The following IL6R variants were observed in gnomAD, a reference collection of about 807,000 sequenced individuals.
The protein encoded by IL6R is interleukin-6 receptor subunit alpha.
IL6R carries 38 observed loss-of-function variants against 48.3 expected under a neutral mutation model. The ratio of observed to expected loss-of-function variants is 0.79; its 90% CI spans 0.61 to 1.03. The LOEUF is 1.03. IL6R is among the 50% of genes least tolerant of loss of function. The probability of loss-of-function intolerance (pLI) is 0.00; values close to 1 mark genes in which losing one functional copy is unlikely to be tolerated. For missense variants in IL6R, 534 were observed against 618.3 expected (o/e 0.86, Z 1.45); for synonymous variants, 264 against 256.2 (o/e 1.03, Z -0.29).
At position 154,415,196 on chromosome 1, in the gene IL6R, G is replaced by A. The variant is rs542127398; in HGVS notation, c.85+9482G>A. ...CCAGGGGCCCGGAGCTCAAGGCGCC[G>A]GCTGCACTGTTCACCTCCACCCCCA... On this transcript the variant is annotated intron_variant, in intron 1 of 9. Transcript: ENST00000368485. The A allele has an allele frequency of 5.3e-4, 363 of 690,156 alleles. 2 individuals are homozygous for A. The highest frequency in any genetic ancestry group is 4.9e-3 in the South Asian group (328 of 66,832). The allele number at this position is 690,156 out of a possible 1,614,324, so 42.8% of individuals were successfully genotyped here.
At chr1:154,457,496 C>T (rs1383820332) in intron 9 of IL6R, among the ~76,000 whole-genome samples, 1 of 152,088 alleles carries the variant, frequency 6.6e-6, no homozygotes, top group Non-Finnish European at 1.5e-5. Flanking sequence ...TCTTTTCCAG[C>T]CATGGTTAGG....
intron 7 of IL6R, among the ~76,000 whole-genome samples, 187 bp from the exon 8 acceptor site, chr1:154,449,724 G>T (rs942199061): frequency 6.6e-6 from 1 of 152,182 alleles, no homozygotes; most frequent in Non-Finnish European, 1.5e-5. Context: ...CCTTTAGCAG[G>T]CATGGTGTGG....
At chr1:154,447,552 T>TACATATATATAC (rs1690331805) in intron 6 of IL6R, among the ~76,000 whole-genome samples, 1 of 67,384 alleles carries the variant, frequency 1.5e-5, no homozygotes, top group Non-Finnish European at 3.9e-5. Context: ...TATATACACA[T>TACATATATATAC]ACACATATAT....
At position 154,429,260 on chromosome 1, in the gene IL6R, A is replaced by C; in HGVS notation, c.150A>C (p.Val50=). The C allele has an allele frequency of 6.2e-7, 1 of 1,614,122 alleles. No individual in the cohort carries two copies. The highest frequency in any genetic ancestry group is 2.2e-5 in the East Asian group (1 of 44,876). ...GCGTGACTCTGACCTGCCCGGGGGTAGAGCCGGAAGACAATGCCACTGTTC... is the reference window on the plus strand; with the variant it reads ...GCGTGACTCTGACCTGCCCGGGGGTCGAGCCGGAAGACAATGCCACTGTTC... ...GDSVTLTCPG[V]EPEDNATVHW... is the part of the protein sequence containing the mutation. The change falls in exon 2 of 10, where the codon GTA becomes GTC. Residue 50 remains valine, a synonymous_variant. Coordinates refer to ENST00000368485, the MANE Select transcript of IL6R (RefSeq NM_000565.4).
At chr1:154,428,348 A>T (rs1028403610) in intron 1 of IL6R, among the ~76,000 whole-genome samples, 4 of 152,266 alleles carry the variant, frequency 2.6e-5, no homozygotes, top group Admixed American at 2.6e-4. Flanking sequence ...GGAGCATGGA[A>T]CAGGGAACCA....
intron 1 of IL6R, chr1:154,418,345 GTT>G (rs1688470930): frequency 1.1e-6 from 1 of 905,214 alleles, no homozygotes; most frequent in Non-Finnish European, 1.3e-6. Context: ...AGCATTACCT[GTT>G]TATGGGTCCA....
At chr1:154,448,030 AT>A (rs755900452) in intron 6 of IL6R, 94 bp from the exon 7 acceptor site, 12 of 1,011,316 alleles carry the variant, frequency 1.2e-5, no homozygotes, top group Non-Finnish European at 1.9e-5. Flanking sequence ...TTTAAATAAC[AT>A]TGAGATGAAC....
chr1:154,420,815 C>T (rs1376623125), intron 1 of IL6R, among the ~76,000 whole-genome samples: 6 of 152,052 alleles, frequency 3.9e-5, no homozygotes, highest in East Asian at 1.9e-4. Flanking sequence ...AGATTACAGG[C>T]GTGAGCCACT....
chr1:154,426,151 C>T (rs1688952545), intron 1 of IL6R, among the ~76,000 whole-genome samples: 1 of 134,856 alleles, frequency 7.4e-6, no homozygotes, highest in Non-Finnish European at 1.6e-5. Context: ...CAGACTGAGA[C>T]CCTGTATCAG....
intron 6 of IL6R, among the ~76,000 whole-genome samples, chr1:154,442,469 A>G (rs1008018938): frequency 8.5e-5 from 13 of 152,146 alleles, no homozygotes; most frequent in African/African-American, 2.2e-4. Flanking sequence ...TGAGTGGGAC[A>G]GGTGGAGGCC....
In IL6R at chr1:154,430,995, G is replaced by A. The variant is rs143318546; in HGVS notation, c.458+389G>A. Among the ~76,000 whole-genome samples the A allele has an allele frequency of 3.9e-3, 588 of 152,340 alleles. 3 individuals carry two copies. The highest frequency in any genetic ancestry group is 6.9e-3 in the Non-Finnish European group (470 of 68,034). On this transcript the variant is annotated intron_variant, in intron 3 of 9. Transcript: ENST00000368485. Reference sequence around the variant, plus strand: ...TTCATTCAAAGTCCGAAGATTATGGGCGTTGCTCTGAAAAACATGCAAATA... The same window carrying A: ...TTCATTCAAAGTCCGAAGATTATGGACGTTGCTCTGAAAAACATGCAAATA...
intron 1 of IL6R, among the ~76,000 whole-genome samples, chr1:154,423,652 C>T (rs1486286399): frequency 1.3e-5 from 2 of 152,038 alleles, no homozygotes; most frequent in African/African-American, 2.4e-5. Flanking sequence ...CAGTGTTGTT[C>T]GCAGGTTCTA....
chr1:154,441,830 C>T (rs113126097), intron 6 of IL6R, among the ~76,000 whole-genome samples: 5 of 152,196 alleles, frequency 3.3e-5, no homozygotes, highest in African/African-American at 1.2e-4. Context: ...CTGGGAAGCA[C>T]CTGGGAGTCA....
intron 1 of IL6R, among the ~76,000 whole-genome samples, chr1:154,416,794 C>T (rs1020928597): frequency 2.6e-5 from 4 of 152,116 alleles, no homozygotes; most frequent in African/African-American, 4.8e-5. Context: ...GACACACCTA[C>T]GAAAGAGTGT....
At chr1:154,449,446 G>A (rs749648354) in intron 7 of IL6R, among the ~76,000 whole-genome samples, 2 of 152,136 alleles carry the variant, frequency 1.3e-5, no homozygotes, top group Non-Finnish European at 2.9e-5. Flanking sequence ...CTGGGAGGCG[G>A]AGGTTGCAGT....
chr1:154,454,375 AG>A (rs1201184720), intron 8 of IL6R, 112 bp from the exon 9 acceptor site: 1 of 680,496 alleles, frequency 1.5e-6, no homozygotes, highest in Non-Finnish European at 2.6e-6. Flanking sequence ...TTGGAGGGGA[AG>A]GTTCCTTTGA....
At chr1:154,435,189 C>A in intron 5 of IL6R, 33 bp downstream of exon 5, 1 of 1,603,560 alleles carries the variant, frequency 6.2e-7, no homozygotes, top group Non-Finnish European at 8.5e-7. Flanking sequence ...GTCAGAGAGG[C>A]GCCCCTAGAT....
Position 154,405,970 on chromosome 1 carries a change from G to T in IL6R, c.85+256G>T, listed in dbSNP as rs945456640. On this transcript the variant is annotated intron_variant, in intron 1 of 9. Coordinates refer to ENST00000368485, the MANE Select transcript of IL6R (RefSeq NM_000565.4). The surrounding 1 kb of genome is among the most constrained non-coding windows in gnomAD (Gnocchi z 5.2). ...GGTGAAGCTGTGCGGGAACCCTGCG[G>T]TCTGTGTACAGGACTGTGTCCTTGC... Among the ~76,000 whole-genome samples the T allele has an allele frequency of 1.3e-5, 2 of 152,226 alleles. No individual in the cohort carries two copies. The highest frequency in any genetic ancestry group is 2.9e-5 in the Non-Finnish European group (2 of 68,024).
chr1:154,413,893 G>A (rs1270287140), intron 1 of IL6R, among the ~76,000 whole-genome samples: 1 of 150,808 alleles, frequency 6.6e-6, no homozygotes, highest in Non-Finnish European at 1.5e-5. Flanking sequence ...GGAGTGCAGT[G>A]ACATGCTCAT....
Sources: gnomAD v4.1 joint callset for allele counts (sites outside exome capture counted in the v4.1 genomes callset) on GRCh38, gnomAD v4.1.1 for gene constraint, Gnocchi (gnomAD v3.1) non-coding constraint, MANE v1.5 for transcripts, NCBI Gene and HGNC (gene_info 2026-07-23, HGNC 2026-07-21) for gene names.